PCDH11Y: variants seen among roughly 807,000 people sequenced by gnomAD.
PCDH11Y encodes protocadherin 11 Y-linked, also known as protocadherin-11 Y-linked.
For missense variants in PCDH11Y, 12 were observed against 224.8 expected, an observed-to-expected ratio of 0.05 and a Z score of 6.05; for synonymous variants, 9 against 83.6, an observed-to-expected ratio of 0.11 and a Z score of 4.87.
At chrY:5,704,064 C>G in intron 4 of PCDH11Y, among the ~76,000 whole-genome samples, 1 of 32,099 alleles carries the variant, frequency 3.1e-5, no homozygotes, top group Non-Finnish European at 7.6e-5. Flanking sequence ...TTATACAGTC[C>G]CATGGGCTGT....
At chrY:5,609,628 G>A (rs2053484514) in intron 4 of PCDH11Y, among the ~76,000 whole-genome samples, 1 of 5,089 alleles carries the variant, frequency 2.0e-4, no homozygotes, top group East Asian at 5.7e-3. Flanking sequence ...GTGGTGTGGT[G>A]CTGAAAAAAA....
intron 2 of PCDH11Y, among the ~76,000 whole-genome samples, chrY:5,355,985 C>G (rs2053165526): frequency 3.0e-5 from 1 of 32,847 alleles, no homozygotes; most frequent in Non-Finnish European, 7.4e-5. Flanking sequence ...TGAAACACAG[C>G]AAGAGTTATA....
chrY:5,142,655 T>C, intron 2 of PCDH11Y, among the ~76,000 whole-genome samples: 2 of 33,281 alleles, frequency 6.0e-5, no homozygotes, highest in African/African-American at 1.2e-4. Context: ...AAGAGACAGC[T>C]CTATAAATAA....
At chrY:5,439,045 T>A in intron 2 of PCDH11Y, among the ~76,000 whole-genome samples, 1 of 30,072 alleles carries the variant, frequency 3.3e-5, no homozygotes, top group Non-Finnish European at 8.0e-5. Flanking sequence ...ATGAGATATT[T>A]GGTTTTCTGT....
chrY:5,530,039 C>T, intron 3 of PCDH11Y, among the ~76,000 whole-genome samples: 9 of 32,507 alleles, frequency 2.8e-4, no homozygotes. Context: ...AAAAGTTGTA[C>T]GTTATTTATT....
intron 2 of PCDH11Y, among the ~76,000 whole-genome samples, chrY:5,215,303 A>C (rs2124651597): frequency 3.3e-5 from 1 of 30,419 alleles, no homozygotes; most frequent in East Asian, 8.9e-4. Flanking sequence ...GGGCTAGGGT[A>C]TACCTTTTTT....
chrY:5,435,585 A>G (rs1602925104), intron 2 of PCDH11Y, among the ~76,000 whole-genome samples: 2 of 32,209 alleles, frequency 6.2e-5, no homozygotes, highest in African/African-American at 1.2e-4. Flanking sequence ...CAAAGTGCTG[A>G]GATTACAGGC....
At chrY:5,036,727 TA>T (rs2052599243) in intron 3 of PCDH11Y, among the ~76,000 whole-genome samples, 1 of 33,649 alleles carries the variant, frequency 3.0e-5, no homozygotes. Flanking sequence ...CATTTTTTAG[TA>T]TTGGAAATTA....
chrY:5,324,758 G>T lies in PCDH11Y; in HGVS notation c.3130-176299G>T, dbSNP rs2124666194. On this transcript the variant is annotated intron_variant, in intron 2 of 4. Coordinates refer to the PCDH11Y transcript ENST00000400457. Reference sequence around the variant, plus strand: ...ATGAAGAAGCCTTTCTTCCAAGCTTGTCACTATTTCTTCCATATATCCTTC... The same window carrying T: ...ATGAAGAAGCCTTTCTTCCAAGCTTTTCACTATTTCTTCCATATATCCTTC... 1.8e-4 allele frequency among the ~76,000 whole-genome samples: 6 copies of T among 32,996 alleles called. No individual in the cohort carries two copies. In the South Asian group the frequency reaches 3.4e-3, roughly 19 times the overall value. 88.5% of individuals were successfully genotyped at this position (32,996 alleles called of 37,273 possible).
chrY:5,198,438 A>G (rs2052923492), intron 2 of PCDH11Y, among the ~76,000 whole-genome samples: 1 of 32,452 alleles, frequency 3.1e-5, no homozygotes, highest in Non-Finnish European at 7.5e-5. Flanking sequence ...GTGAGCCACC[A>G]TGCCCAGCCT....
intron 2 of PCDH11Y, among the ~76,000 whole-genome samples, chrY:5,384,466 C>G: frequency 6.7e-5 from 2 of 30,033 alleles, no homozygotes; most frequent in Non-Finnish European, 1.6e-4. Context: ...TATTACAAAA[C>G]TCCTGAGAAA....
intron 2 of PCDH11Y, among the ~76,000 whole-genome samples, chrY:5,243,510 T>C (rs2124655774): frequency 3.6e-5 from 1 of 27,766 alleles, no homozygotes; most frequent in East Asian, 8.1e-4. Context: ...TTTTTTTTTT[T>C]AACATTTTTA....
intron 2 of PCDH11Y, among the ~76,000 whole-genome samples, chrY:5,390,329 C>T: frequency 3.0e-5 from 1 of 33,698 alleles, no homozygotes; most frequent in Non-Finnish European, 7.3e-5. Flanking sequence ...CTATTACATA[C>T]GTAAGTCCCC....
At chrY:5,642,230 A>G (rs2053523682) in intron 4 of PCDH11Y, among the ~76,000 whole-genome samples, 11 of 33,392 alleles carry the variant, frequency 3.3e-4, no homozygotes. Context: ...TGAGCTAAAT[A>G]TAAAGGAAAG....
chrY:5,343,500 T>A (rs1602908332), intron 2 of PCDH11Y, among the ~76,000 whole-genome samples: 1 of 32,959 alleles, frequency 3.0e-5, no homozygotes, highest in Non-Finnish European at 7.5e-5. Context: ...TGATCCGCCC[T>A]CCTCAGCCTC....
chrY:5,480,198 A>C, intron 2 of PCDH11Y, among the ~76,000 whole-genome samples: 1 of 31,558 alleles, frequency 3.2e-5, no homozygotes, highest in Non-Finnish European at 7.7e-5. Flanking sequence ...CAGGCTGATG[A>C]ACTTTGGATG....
chrY:5,699,337 C>T, intron 4 of PCDH11Y, among the ~76,000 whole-genome samples: 11 of 33,857 alleles, frequency 3.2e-4, no homozygotes, highest in Non-Finnish European at 6.6e-4. Context: ...GCCCCTTGGC[C>T]GAGTAGGTAT....
At chrY:5,514,961 G>A (rs2053370458) in intron 3 of PCDH11Y, among the ~76,000 whole-genome samples, 2 of 33,417 alleles carry the variant, frequency 6.0e-5, no homozygotes, top group African/African-American at 1.2e-4. Context: ...AGTTAGTAAC[G>A]AAACTTCTGT....
At chrY:5,238,661 T>C (rs2052982626) in intron 2 of PCDH11Y, among the ~76,000 whole-genome samples, 1 of 32,583 alleles carries the variant, frequency 3.1e-5, no homozygotes, top group African/African-American at 1.2e-4. Flanking sequence ...AGAAAATTTT[T>C]GCAATCTACT....
Sources: allele counts gnomAD v4.1 joint callset (sites outside exome capture counted in the v4.1 genomes callset), GRCh38; gene constraint gnomAD v4.1.1; transcripts MANE v1.5; gene names NCBI Gene and HGNC (gene_info 2026-07-23, HGNC 2026-07-21).